Variants in RELN observed in about 807,000 individuals in gnomAD.
The protein encoded by RELN is reelin.
Under a neutral mutation model 427.6 loss-of-function variants are expected in RELN, and 108 were observed. The observed-to-expected ratio is 0.25, with a 90% CI of 0.22 to 0.30. RELN has a LOEUF of 0.30. RELN is among the 10% of genes least tolerant of loss of function. The pLI is 1.00. For missense variants in RELN, 3,715 were observed against 4,302.8 expected (o/e 0.86, Z 3.82); for synonymous variants, 1,524 against 1,513.4 (o/e 1.01, Z -0.16).
chr7:103,975,702 C>A (rs563632527), intron 1 of RELN, among the ~76,000 whole-genome samples: 48 of 149,182 alleles, frequency 3.2e-4, no homozygotes, highest in South Asian at 1.1e-3. Context: ...CCCGCCACCA[C>A]GCCTGGCTGA....
At chr7:103,697,608 G>T (rs10279900) in intron 10 of RELN, among the ~76,000 whole-genome samples, 3 of 151,954 alleles carry the variant, frequency 2.0e-5, no homozygotes, top group Non-Finnish European at 4.4e-5. Flanking sequence ...TATTCTCTGG[G>T]TTCAGCCCAG....
chr7:103,936,712 GCACA>G (rs71154380), intron 1 of RELN, among the ~76,000 whole-genome samples: 134 of 139,898 alleles, frequency 9.6e-4, no homozygotes, highest in African/African-American at 2.9e-3. Flanking sequence ...AAATTCCTAC[GCACA>G]CACACACACA....
chr7:103,846,556 C>A (rs1420169764), intron 2 of RELN, among the ~76,000 whole-genome samples: 1 of 152,164 alleles, frequency 6.6e-6, no homozygotes, highest in Non-Finnish European at 1.5e-5. Flanking sequence ...GCAACGGCAA[C>A]AAAAGCCAAA....
intron 6 of RELN, among the ~76,000 whole-genome samples, chr7:103,730,625 T>C (rs1309885852): frequency 6.6e-6 from 1 of 152,154 alleles, no homozygotes; most frequent in Non-Finnish European, 1.5e-5. Flanking sequence ...TAAAAAGGCA[T>C]TGGTAACCCT....
intron 28 of RELN, among the ~76,000 whole-genome samples, chr7:103,580,591 C>A (rs1371744416): frequency 1.3e-5 from 2 of 151,936 alleles, no homozygotes; most frequent in Non-Finnish European, 2.9e-5. Context: ...TTTTTTATTT[C>A]AATAGTTTTT....
chr7:103,654,071 C>A (rs752849517), intron 13 of RELN, 22 bp downstream of exon 13: 4 of 1,388,204 alleles, frequency 2.9e-6, no homozygotes. Context: ...GGTCTATTTG[C>A]CACACAGACT....
At position 103,909,800 on chromosome 7, in the gene RELN, A is replaced by ATAT. The variant is rs1563085208; in HGVS notation, c.337+7274_337+7275insATA. Among the ~76,000 whole-genome samples, 6 of 66,392 alleles carry ATAT rather than the reference A, an allele frequency of 9.0e-5. 1 individual carries two copies. The highest frequency in any genetic ancestry group is 3.5e-4 in the African/African-American group (5 of 14,402). The allele number at this position is 66,392 out of a possible 152,430, so 43.6% of individuals were successfully genotyped here. On this transcript the variant is annotated intron_variant, in intron 2 of 64. Coordinates refer to ENST00000428762, the MANE Select transcript of RELN (RefSeq NM_005045.4). The stretch of plus-strand genomic sequence containing the variant: ...ATATAAATATATATATTAAATATAT[A>ATAT]TTAATATATAATATTATATATAAAA...
At chr7:103,548,319 A>G (rs1164666568) in intron 41 of RELN, among the ~76,000 whole-genome samples, 1 of 151,364 alleles carries the variant, frequency 6.6e-6, no homozygotes, top group East Asian at 1.9e-4. Context: ...GAGTAATTTA[A>G]ACATGGATTT....
At chr7:103,856,086 T>A (rs528713424) in intron 2 of RELN, among the ~76,000 whole-genome samples, 3 of 152,248 alleles carry the variant, frequency 2.0e-5, no homozygotes, top group African/African-American at 7.2e-5. Flanking sequence ...CGGTGTTCTG[T>A]GAATCAGAGT....
Position 103,652,693 on chromosome 7 carries a change from T to G in RELN, c.1621A>C (p.Arg541=), listed in dbSNP as rs1562941047. The change falls in exon 14 of 65, where the codon AGG becomes CGG. Residue 541 remains arginine (R), a synonymous_variant. Coordinates refer to ENST00000428762, the MANE Select transcript of RELN (RefSeq NM_005045.4). The part of the protein sequence containing the change: ...LQTPATKFCL[R]QKNHQGHNRN... ...TTATGTCCTTGATGGTTCTTTTGCC[T>G]GAGACAAAATTTGGTAGCAGGAGTC... 6.2e-7 allele frequency: 1 copy of G among 1,612,822 alleles called. No homozygotes were observed. The highest frequency in any genetic ancestry group is 8.5e-7 in the Non-Finnish European group (1 of 1,179,298).
At position 103,775,221 on chromosome 7, in the gene RELN, T is replaced by G. The variant is rs147985630; in HGVS notation, c.544+1336A>C. Among the ~76,000 whole-genome samples, 1,032 of 152,298 alleles carry G rather than the reference T, an allele frequency of 6.8e-3. 9 individuals are homozygous for G. The highest frequency in any genetic ancestry group is 0.024 in the African/African-American group (1,004 of 41,576). ...GTAGTTTCATAGTCTGGAAGAAGAT[T>G]TGTATTATGATCAAATTCTTGAGCC... is the stretch of plus-strand genomic sequence containing the variant. On this transcript the variant is annotated intron_variant, in intron 4 of 64. Coordinates refer to ENST00000428762, the MANE Select transcript of RELN (RefSeq NM_005045.4).
chr7:103,920,293 G>A (rs1315601372), intron 1 of RELN, among the ~76,000 whole-genome samples: 1 of 152,078 alleles, frequency 6.6e-6, no homozygotes, highest in African/African-American at 2.4e-5. Flanking sequence ...TATTAGGATG[G>A]GGATAATTGG....
intron 2 of RELN, among the ~76,000 whole-genome samples, chr7:103,875,372 C>T (rs1390851275): frequency 6.6e-6 from 1 of 151,830 alleles, no homozygotes; most frequent in Admixed American, 6.6e-5. Flanking sequence ...TCTAATTAAA[C>T]TAAAGATCTT....
At chr7:103,537,293 G>A (rs540237061) in intron 45 of RELN, among the ~76,000 whole-genome samples, 3 of 151,930 alleles carry the variant, frequency 2.0e-5, no homozygotes, top group South Asian at 4.2e-4. Flanking sequence ...ACTCTACATT[G>A]CTTCCTACAG....
In RELN at chr7:103,569,350, T is replaced by C. The variant is rs1032812756; in HGVS notation, c.4589-2591A>G. ...ACTGCACCCCTCCTGGCTTTTGTCC[T>C]GACTGCAACCTCACCAGAGACCCTG... On this transcript the variant is annotated intron_variant, in intron 31 of 64. Transcript: ENST00000428762. The surrounding 1 kb of genome is among the most constrained non-coding windows in gnomAD (Gnocchi z 4.0). Among the ~76,000 whole-genome samples, 2 of 152,222 alleles carry C rather than the reference T, an allele frequency of 1.3e-5. No homozygotes were observed. Among genetic ancestry groups the C allele is most frequent in the African/African-American group, 4.8e-5 (2 of 41,450 alleles).
At chr7:103,676,526 A>C (rs551847908) in intron 11 of RELN, among the ~76,000 whole-genome samples, 132 of 152,198 alleles carry the variant, frequency 8.7e-4, no homozygotes, top group African/African-American at 2.7e-3. Flanking sequence ...TTGACCCAGC[A>C]ATCCCATTAC....
At chr7:103,591,098 A>C (rs553342780) in intron 27 of RELN, among the ~76,000 whole-genome samples, 6 of 152,340 alleles carry the variant, frequency 3.9e-5, no homozygotes, top group African/African-American at 1.2e-4. Flanking sequence ...TAAATGTGTA[A>C]ATGAATTTTA....
intron 6 of RELN, among the ~76,000 whole-genome samples, chr7:103,744,237 C>T (rs1219649089): frequency 2.0e-5 from 3 of 152,098 alleles, no homozygotes; most frequent in East Asian, 1.9e-4. Context: ...CACAACATAC[C>T]AGAATCTCTG....
chr7:103,917,503 T>C (rs1795511840), intron 1 of RELN, among the ~76,000 whole-genome samples: 1 of 151,686 alleles, frequency 6.6e-6, no homozygotes, highest in Admixed American at 6.6e-5. Context: ...CTACCACCCC[T>C]GAAGGCAGTC....
Sources: allele counts gnomAD v4.1 joint callset (sites outside exome capture counted in the v4.1 genomes callset), GRCh38; gene constraint gnomAD v4.1.1; non-coding constraint Gnocchi (gnomAD v3.1); transcripts MANE v1.5; gene names NCBI Gene and HGNC (gene_info 2026-07-23, HGNC 2026-07-21).